Variants in DOK6 observed in about 807,000 individuals in gnomAD.
DOK6 encodes downstream of tyrosine kinase 6.
A neutral mutation model predicts 44.0 loss-of-function variants in DOK6; 22 were observed. That is an observed-to-expected ratio of 0.50 (90% CI 0.36 to 0.71). DOK6 has a LOEUF of 0.71. Among genes scored for constraint, DOK6 ranks in the 30% least tolerant of loss-of-function variants. DOK6 has a pLI of 0.00. For synonymous variants in DOK6, 166 were observed against 145.5 expected (o/e 1.14, Z -1.01); for missense variants, 340 against 416.4 (o/e 0.82, Z 1.60).
intron 1 of DOK6, among the ~76,000 whole-genome samples, chr18:69,495,714 C>T: frequency 6.6e-6 from 1 of 152,230 alleles, no homozygotes; most frequent in East Asian, 1.9e-4. Flanking sequence ...AGGTACCTGT[C>T]TGCCTCTGCT....
At chr18:69,808,463 A>G (rs1424542443) in intron 7 of DOK6, among the ~76,000 whole-genome samples, 1 of 151,870 alleles carries the variant, frequency 6.6e-6, no homozygotes, top group African/African-American at 2.4e-5. Context: ...TAGAGACAAG[A>G]AAAACAATAG....
chr18:69,778,136 TTCAG>T (rs1208589224), intron 7 of DOK6, among the ~76,000 whole-genome samples: 3 of 152,002 alleles, frequency 2.0e-5, no homozygotes, highest in Non-Finnish European at 4.4e-5. Context: ...AAGAAAGAAA[TTCAG>T]TCAGAGAGAC....
intron 1 of DOK6, among the ~76,000 whole-genome samples, chr18:69,459,099 A>AC (rs75585225): frequency 0.03 from 2,985 of 98,046 alleles, 90 homozygotes; most frequent in Middle Eastern, 0.054. Context: ...CCCCCCAACA[A>AC]CCCCCCCCCC....
intron 1 of DOK6, among the ~76,000 whole-genome samples, chr18:69,536,379 CAT>C (rs2144577513): frequency 6.6e-6 from 1 of 152,182 alleles, no homozygotes; most frequent in South Asian, 2.1e-4. Flanking sequence ...ACTGATAAAA[CAT>C]AAACTGCTAA....
chr18:69,829,365 A>T (rs1981839483), intron 7 of DOK6, among the ~76,000 whole-genome samples: 1 of 152,038 alleles, frequency 6.6e-6, no homozygotes, highest in South Asian at 2.1e-4. Flanking sequence ...ATCTAATATT[A>T]TCCTGCACCA....
intron 7 of DOK6, chr18:69,781,304 A>G (rs1005579021): frequency 2.6e-5 from 4 of 152,116 alleles, no homozygotes; most frequent in Non-Finnish European, 5.9e-5. Flanking sequence ...ACATTCCTAG[A>G]TTTCTTGAAG....
At chr18:69,614,343 A>G (rs893699480) in intron 3 of DOK6, among the ~76,000 whole-genome samples, 15 of 152,274 alleles carry the variant, frequency 9.9e-5, no homozygotes, top group African/African-American at 3.1e-4. Flanking sequence ...ATTCAAAATG[A>G]CAGGCAGTAG....
At chr18:69,736,669 C>A (rs1017117430) in intron 5 of DOK6, among the ~76,000 whole-genome samples, 9 of 152,164 alleles carry the variant, frequency 5.9e-5, no homozygotes, top group African/African-American at 1.9e-4. Flanking sequence ...TATGTTTTAG[C>A]TTTTCCCAAG....
chr18:69,805,948 T>G (rs1981040877), intron 7 of DOK6, among the ~76,000 whole-genome samples: 2 of 151,934 alleles, frequency 1.3e-5, no homozygotes, highest in African/African-American at 4.8e-5. Flanking sequence ...ATTATATGGT[T>G]TTTGGAACTA....
rs138492909 is a variant in DOK6 at position 69,591,859 on chromosome 18, T to C, written c.175-7525T>C. Among the ~76,000 whole-genome samples the C allele has an allele frequency of 1.4e-4, 22 of 152,180 alleles. No homozygotes were observed. The East Asian group carries it at 4.1e-3, about 28-fold the overall frequency. ...GAGAAAGAATCAAAGGAGACTAATATAGGTTAGTTGACAAGTTCATATCTG... is the reference window on the plus strand; with the variant it reads ...GAGAAAGAATCAAAGGAGACTAATACAGGTTAGTTGACAAGTTCATATCTG... On this transcript the variant is annotated intron_variant, in intron 2 of 7. Transcript: ENST00000382713.
intron 1 of DOK6, among the ~76,000 whole-genome samples, chr18:69,504,744 A>G (rs1981136815): frequency 6.6e-6 from 1 of 152,236 alleles, no homozygotes; most frequent in South Asian, 2.1e-4. Flanking sequence ...CTATCAAAAA[A>G]ACACAGGAAT....
chr18:69,556,445 C>T lies in DOK6; in HGVS notation c.67-8042C>T, dbSNP rs952343064. Among the ~76,000 whole-genome samples the T allele has an allele frequency of 6.6e-5, 10 of 152,050 alleles. 1 individual carries two copies. The highest frequency in any genetic ancestry group is 1.2e-4 in the Non-Finnish European group (8 of 67,996). ...CAATGTTCCCTTCTCCATCCTTGTG[C>T]ATAATTCTCTCCATAGCACATAGCA... On this transcript the variant is annotated intron_variant, in intron 1 of 7. Transcript: ENST00000382713.
rs180685000 is a variant in DOK6 at position 69,731,964 on chromosome 18, A to G, written c.600-7001A>G. ...CCTCAAACAAGTTTAAAGTAGAACA[A>G]GTCTTCCACCCAGGATAAGAACGTA... On this transcript the variant is annotated intron_variant, in intron 5 of 7. Transcript: ENST00000382713. Among the ~76,000 whole-genome samples, 322 of 152,322 alleles carry G rather than the reference A, an allele frequency of 2.1e-3. 1 individual carries two copies. Among genetic ancestry groups the G allele is most frequent in the Middle Eastern group, 6.8e-3 (2 of 294 alleles).
intron 4 of DOK6, among the ~76,000 whole-genome samples, chr18:69,682,507 T>A (rs1986066871): frequency 6.6e-6 from 1 of 152,176 alleles, no homozygotes; most frequent in South Asian, 2.1e-4. Context: ...ACTTGCAACT[T>A]CCCAAAGCAC....
chr18:69,766,323 G>A (rs142922478), intron 7 of DOK6, among the ~76,000 whole-genome samples: 95 of 152,238 alleles, frequency 6.2e-4, no homozygotes, highest in African/African-American at 2.0e-3. Flanking sequence ...GGGATCAGTC[G>A]TAACCATAAC....
In DOK6 at chr18:69,598,802, AC is replaced by A. The variant is rs1202424325; in HGVS notation, c.175-580del. 1.6e-4 allele frequency among the ~76,000 whole-genome samples: 24 copies of A among 152,046 alleles called. 1 individual carries two copies. Among genetic ancestry groups the A allele is most frequent in the African/African-American group, 5.8e-4 (24 of 41,414 alleles). ...TTGCCCAATAAATAAATTGTTGTTA[AC>A]CTGGGTGCATAAATCTTGGATGGGC... On this transcript the variant is annotated intron_variant, in intron 2 of 7. Coordinates refer to ENST00000382713, the MANE Select transcript of DOK6 (RefSeq NM_152721.6).
intron 4 of DOK6, among the ~76,000 whole-genome samples, chr18:69,690,303 A>G (rs1277802762): frequency 6.6e-6 from 1 of 152,210 alleles, no homozygotes; most frequent in Non-Finnish European, 1.5e-5. Context: ...CTATTTACAC[A>G]TAATAATAAA....
At chr18:69,548,244 C>T (rs1288273009) in intron 1 of DOK6, among the ~76,000 whole-genome samples, 1 of 151,332 alleles carries the variant, frequency 6.6e-6, no homozygotes, top group Non-Finnish European at 1.5e-5. Context: ...TGAGCCACCG[C>T]GCCTGCCCTC....
chr18:69,537,197 C>T (rs888867067), intron 1 of DOK6, among the ~76,000 whole-genome samples: 2 of 152,056 alleles, frequency 1.3e-5, no homozygotes, highest in Non-Finnish European at 2.9e-5. Flanking sequence ...GAATATTCCA[C>T]TTTGATTTTA....
Sources: gnomAD v4.1 joint callset for allele counts (sites outside exome capture counted in the v4.1 genomes callset) on GRCh38, gnomAD v4.1.1 for gene constraint, MANE v1.5 for transcripts, NCBI Gene and HGNC (gene_info 2026-07-23, HGNC 2026-07-21) for gene names.